The following ZNF620 variants were observed in gnomAD, a reference collection of about 807,000 sequenced individuals.
ZNF620 encodes zinc finger protein 620.
In ZNF620, 10 loss-of-function variants were observed where a neutral mutation model predicts 13.3. The observed-to-expected ratio is 0.75, with a 90% CI of 0.46 to 1.28. The LOEUF (loss-of-function observed/expected upper bound fraction) is 1.28, where lower values mean the gene tolerates loss of function less well. Ranked by LOEUF, ZNF620 falls within the 50% of genes most tolerant of loss-of-function variation. The pLI, the probability that ZNF620 is intolerant of heterozygous loss-of-function variation, is 0.00. For synonymous variants in ZNF620, 166 were observed against 177.6 expected (o/e 0.93, Z 0.52); for missense variants, 461 against 500.2 (o/e 0.92, Z 0.75).
chr3:40,515,219 C>T (rs1698337053), intron 4 of ZNF620, among the ~76,000 whole-genome samples: 1 of 152,198 alleles, frequency 6.6e-6, no homozygotes, highest in Admixed American at 6.5e-5. Context: ...ATTTCCAGTG[C>T]TTTTTGGTTT....
chr3:40,516,826 A>G lies in ZNF620; in HGVS notation c.1232A>G (p.Gln411Arg), dbSNP rs775027422. 4.3e-6 allele frequency: 7 copies of G among 1,612,912 alleles called. No individual in the cohort carries two copies. The African/African-American group carries it at 5.3e-5, about 12-fold the overall frequency. ...FSWCGRFILH[Q>R]KLHTQKTPVQ... is the part of the protein sequence containing the mutation. The stretch of plus-strand genomic sequence containing the variant: ...TGGTGTGGAAGATTCATTCTGCATC[A>G]GAAACTACACACTCAGAAGACACCT... Residue 411 changes from glutamine (Q) to arginine (R), a missense_variant, in exon 5 of 5, where the codon CAG becomes CGG. By Grantham distance (43) the Gln-to-Arg change is conservative. Transcript: ENST00000314529.
chr3:40,512,132 G>C (rs1181984729), intron 3 of ZNF620, among the ~76,000 whole-genome samples: 8 of 152,210 alleles, frequency 5.3e-5, no homozygotes, highest in African/African-American at 1.9e-4. Flanking sequence ...ACATGGGGGG[G>C]AAAGGAGCTC....
rs1447597308 is a variant in ZNF620 at position 40,506,350 on chromosome 3, G to C, written c.-3G>C. On this transcript the variant is annotated 5_prime_UTR_variant, in exon 2 of 5. Coordinates refer to ENST00000314529, the MANE Select transcript of ZNF620 (RefSeq NM_175888.4). ...GGCAGTGTGTGAAGCTGGGACGCCA[G>C]CCATGTTCCAGACCGCTTGGCGCCA... 6.2e-7 allele frequency: 1 copy of C among 1,614,028 alleles called. No individual in the cohort carries two copies. The highest frequency in any genetic ancestry group is 1.7e-5 in the Admixed American group (1 of 60,008).
At chr3:40,510,244 C>CT (rs879378075) in intron 2 of ZNF620, among the ~76,000 whole-genome samples, 1 of 152,144 alleles carries the variant, frequency 6.6e-6, no homozygotes, top group Non-Finnish European at 1.5e-5. Flanking sequence ...AACTTCTGAG[C>CT]TGAAGCAATC....
chr3:40,516,329 T>C lies in ZNF620; in HGVS notation c.735T>C (p.Ile245=). ...YNSLLIRHQI[I]HTGKKPFKCK... is the part of the protein sequence containing the mutation. ...CATTACTTATTCGGCATCAGATAAT[T>C]CACACTGGAAAGAAACCATTTAAAT... The change falls in exon 5 of 5, where the codon ATT becomes ATC. Residue 245 remains isoleucine, a synonymous_variant. Coordinates refer to ENST00000314529, the MANE Select transcript of ZNF620 (RefSeq NM_175888.4). The C allele has an allele frequency of 1.9e-6, 3 of 1,614,204 alleles. No individual in the cohort carries two copies.
chr3:40,512,386 C>T lies in ZNF620; in HGVS notation c.152-16C>T. On this transcript the variant is annotated splice_polypyrimidine_tract_variant and intron_variant, in intron 3 of 4. Coordinates refer to ENST00000314529, the MANE Select transcript of ZNF620 (RefSeq NM_175888.4). The stretch of plus-strand genomic sequence containing the variant: ...TGATTCCCCTTACCTTTTCCTGTTT[C>T]TTTCTCCCTGGGCAGCATTCCCATT... 4.3e-6 allele frequency: 7 copies of T among 1,611,596 alleles called. No individual in the cohort carries two copies. The highest frequency in any genetic ancestry group is 5.9e-6 in the Non-Finnish European group (7 of 1,177,808).
chr3:40,516,202 G>A lies in ZNF620; in HGVS notation c.608G>A (p.Arg203Lys). The A allele has an allele frequency of 6.2e-7, 1 of 1,614,096 alleles. No individual in the cohort carries two copies. Among genetic ancestry groups the A allele is most frequent in the East Asian group, 2.2e-5 (1 of 44,894 alleles). The change falls in exon 5 of 5, where the codon AGA becomes AAA. Residue 203 changes from arginine (R) to lysine (K), a missense_variant. Coordinates refer to ENST00000314529, the MANE Select transcript of ZNF620 (RefSeq NM_175888.4). ...TCTTATGAATGTGGACAATGTGGCA[G>A]ATATTTCATTCAAATGGCAGACTTC... ...QISYECGQCG[R>K]YFIQMADFHR... is the part of the protein sequence containing the mutation.
intron 4 of ZNF620, 100 bp from the exon 5 acceptor site, chr3:40,515,754 ATTCTGT>A (rs1698350953): frequency 7.2e-7 from 1 of 1,391,506 alleles, no homozygotes; most frequent in Admixed American, 2.4e-5. Flanking sequence ...GAACCACTTG[ATTCTGT>A]TTCTTCTTCA....
chr3:40,512,417 C>G lies in ZNF620; in HGVS notation c.167C>G (p.Thr56Arg). The G allele has an allele frequency of 1.2e-6, 2 of 1,614,202 alleles. No individual in the cohort carries two copies. The highest frequency in any genetic ancestry group is 1.1e-5 in the South Asian group (1 of 91,084). ...NVASLAFPFT[T>R]PVLVSQLEQG... Reference sequence around the variant, plus strand: ...CCCTGGGCAGCATTCCCATTCACCACGCCTGTTCTGGTCTCCCAGCTGGAG... The same window carrying G: ...CCCTGGGCAGCATTCCCATTCACCAGGCCTGTTCTGGTCTCCCAGCTGGAG... The change falls in exon 4 of 5, where the codon ACG becomes AGG. Residue 56 changes from threonine (T) to arginine (R), a missense_variant. Transcript: ENST00000314529.
At position 40,516,245 on chromosome 3, in the gene ZNF620, T is replaced by TCA; in HGVS notation, c.655_656dup (p.Gly220LeufsTer26). 1 of 1,614,100 alleles carries TCA rather than the reference T, an allele frequency of 6.2e-7. No individual in the cohort carries two copies. Among genetic ancestry groups the TCA allele is most frequent in the Non-Finnish European group, 8.5e-7 (1 of 1,180,052 alleles). On this transcript the variant is annotated frameshift_variant, in exon 5 of 5. Coordinates refer to ENST00000314529, the MANE Select transcript of ZNF620 (RefSeq NM_175888.4). LOFTEE classifies it low-confidence loss of function (END_TRUNC). Reference sequence around the variant, plus strand: ...CAGACTTCCACCGACATGAGAAATGTCACACTGGTGAAAAGTCTTTTGAAT... The same window carrying TCA: ...CAGACTTCCACCGACATGAGAAATGTCACACACTGGTGAAAAGTCTTTTGAAT...
At position 40,510,158 on chromosome 3, in the gene ZNF620, G is replaced by T. The variant is rs552423046; in HGVS notation, c.25-1312G>T. Among the ~76,000 whole-genome samples the T allele has an allele frequency of 3.3e-5, 5 of 152,052 alleles. No individual in the cohort carries two copies. The South Asian group carries it at 1.0e-3, about 32-fold the overall frequency. On this transcript the variant is annotated intron_variant, in intron 2 of 4. Coordinates refer to ENST00000314529, the MANE Select transcript of ZNF620 (RefSeq NM_175888.4). ...CCACCTCAGTCTCCCGAGTAGCTGG[G>T]AGCACCACCTTGCATGGCTAATTTT...
intron 4 of ZNF620, among the ~76,000 whole-genome samples, chr3:40,513,883 G>A (rs1698289170): frequency 6.6e-6 from 1 of 152,204 alleles, no homozygotes; most frequent in Admixed American, 6.5e-5. Context: ...CAGAAGACAA[G>A]AGTGTGAGCA....
At chr3:40,506,654 C>G (rs1698028930) in intron 2 of ZNF620, among the ~76,000 whole-genome samples, 1 of 152,210 alleles carries the variant, frequency 6.6e-6, no homozygotes, top group Admixed American at 6.5e-5. Context: ...CCCTTTCACC[C>G]TAGTCCGCAG....
chr3:40,508,611 A>T, intron 2 of ZNF620: 1 of 366,676 alleles, frequency 2.7e-6, no homozygotes, highest in Non-Finnish European at 5.3e-6. Context: ...ATTGTCTTAT[A>T]TGAATTTAGC....
intron 4 of ZNF620, among the ~76,000 whole-genome samples, chr3:40,514,541 A>C (rs1698312958): frequency 6.6e-6 from 1 of 152,118 alleles, no homozygotes; most frequent in Non-Finnish European, 1.5e-5. Context: ...AAAAACCCAG[A>C]GGCCCAGTAG....
At position 40,506,115 on chromosome 3, in the gene ZNF620, G is replaced by C. The variant is rs1186184922; in HGVS notation, c.-73G>C. 1.6e-6 allele frequency: 1 copy of C among 606,192 alleles called. No individual in the cohort carries two copies. The highest frequency in any genetic ancestry group is 3.0e-6 in the Non-Finnish European group (1 of 338,278). 37.6% of individuals were successfully genotyped at this position (606,192 alleles called of 1,614,324 possible). On this transcript the variant is annotated 5_prime_UTR_variant, in exon 1 of 5. Transcript: ENST00000314529. ...CTGCGCCGCGCGGGATTCGCGGTCC[G>C]AGCTGAAGAGGTTCGCGGTCCGGGT...
intron 2 of ZNF620, among the ~76,000 whole-genome samples, chr3:40,510,179 AT>A (rs1405841736): frequency 1.3e-5 from 2 of 151,680 alleles, no homozygotes; most frequent in Non-Finnish European, 2.9e-5. Context: ...TGCATGGCTA[AT>A]TTTTGCATAT....
In ZNF620 at chr3:40,506,078, CT is replaced by C. The variant is rs1698005881; in HGVS notation, c.-107del. On this transcript the variant is annotated 5_prime_UTR_variant, in exon 1 of 5. Transcript: ENST00000314529. ...GTCGGCGGCAGGTGGAATTTCCACG[CT>C]TTATCTGCGCCTGCGCCGCGCGGGA... The C allele has an allele frequency of 1.8e-6, 1 of 551,050 alleles. No individual in the cohort carries two copies. 34.1% of individuals were successfully genotyped at this position (551,050 alleles called of 1,614,324 possible). A position where few individuals can be genotyped will look rare whatever the true frequency, so the allele number is the denominator to read the frequency against.
Position 40,517,527 on chromosome 3 carries a change from G to T in ZNF620, c.*664G>T, listed in dbSNP as rs769458992. Reference sequence around the variant, plus strand: ...CGCACCACTGCACTCCAGCCTGGGCGACAGAGTGAGACTTTGTCTCAAAAA... The same window carrying T: ...CGCACCACTGCACTCCAGCCTGGGCTACAGAGTGAGACTTTGTCTCAAAAA... On this transcript the variant is annotated 3_prime_UTR_variant, in exon 5 of 5. Coordinates refer to ENST00000314529, the MANE Select transcript of ZNF620 (RefSeq NM_175888.4). 1 of 152,156 alleles carries T rather than the reference G, an allele frequency of 6.6e-6. No individual in the cohort carries two copies. Among genetic ancestry groups the T allele is most frequent in the Non-Finnish European group, 1.5e-5 (1 of 68,022 alleles). 9.4% of individuals were successfully genotyped at this position (152,156 alleles called of 1,614,324 possible).
Sources: gnomAD v4.1 joint callset for allele counts (sites outside exome capture counted in the v4.1 genomes callset) on GRCh38, gnomAD v4.1.1 for gene constraint, MANE v1.5 for transcripts, NCBI Gene and HGNC (gene_info 2026-07-23, HGNC 2026-07-21) for gene names.